The following SDC2 variants were observed in gnomAD, a reference collection of about 807,000 sequenced individuals.
SDC2 encodes syndecan-2.
Under a neutral mutation model 22.2 loss-of-function variants are expected in SDC2, and 13 were observed. The observed-to-expected ratio is 0.59, with a 90% CI of 0.38 to 0.93. The LOEUF (loss-of-function observed/expected upper bound fraction) is 0.93, where lower values mean the gene tolerates loss of function less well. Among genes scored for constraint, SDC2 ranks in the 40% least tolerant of loss-of-function variants. The probability of loss-of-function intolerance (pLI) is 0.00; values close to 1 mark genes in which losing one functional copy is unlikely to be tolerated. For missense variants in SDC2, 235 were observed against 246.8 expected (o/e 0.95, Z 0.32); for synonymous variants, 94 against 92.8 (o/e 1.01, Z -0.07).
intron 2 of SDC2, among the ~76,000 whole-genome samples, chr8:96,596,805 T>C (rs1328898326): frequency 6.6e-6 from 1 of 152,192 alleles, no homozygotes; most frequent in Non-Finnish European, 1.5e-5. Flanking sequence ...CCATGAAGTT[T>C]TGAAAGCTGG....
At chr8:96,581,789 G>T (rs917407525) in intron 1 of SDC2, among the ~76,000 whole-genome samples, 1 of 152,186 alleles carries the variant, frequency 6.6e-6, no homozygotes, top group Non-Finnish European at 1.5e-5. Context: ...CTTTGGCCAC[G>T]TGTCAGTTTG....
In SDC2 at chr8:96,575,171, G is replaced by C. The variant is rs1335442061; in HGVS notation, c.61-18309G>C. 2.0e-5 allele frequency among the ~76,000 whole-genome samples: 3 copies of C among 152,184 alleles called. No individual in the cohort carries two copies. In the East Asian group the frequency reaches 5.8e-4, roughly 29 times the overall value. ...TGGGAACCCCTGTTCTAGACAACCA[G>C]AAATCTAAGCCTTTCTCCTTCATGA... On this transcript the variant is annotated intron_variant, in intron 1 of 4. Coordinates refer to ENST00000302190, the MANE Select transcript of SDC2 (RefSeq NM_002998.4).
intron 1 of SDC2, among the ~76,000 whole-genome samples, chr8:96,582,229 C>G (rs932028155): frequency 1.5e-4 from 22 of 151,434 alleles, no homozygotes; most frequent in Non-Finnish European, 2.6e-4. Context: ...AAATTTTGGC[C>G]AGGAACAGTT....
chr8:96,502,798 A>G (rs1168630594), intron 1 of SDC2, among the ~76,000 whole-genome samples: 1 of 152,214 alleles, frequency 6.6e-6, no homozygotes, highest in Non-Finnish European at 1.5e-5. Context: ...AGTTTTTAGG[A>G]TTATGTGAGA....
At chr8:96,542,061 A>G (rs193170565) in intron 1 of SDC2, among the ~76,000 whole-genome samples, 1 of 152,226 alleles carries the variant, frequency 6.6e-6, no homozygotes, top group African/African-American at 2.4e-5. Context: ...GGTGAACTTG[A>G]ACCTAGCCAT....
chr8:96,514,368 T>C (rs1043229004), intron 1 of SDC2, among the ~76,000 whole-genome samples: 3 of 152,048 alleles, frequency 2.0e-5, no homozygotes, highest in Non-Finnish European at 4.4e-5. Context: ...AAAGGGAAAG[T>C]AGCCACTGTC....
At chr8:96,569,055 G>A (rs991634480) in intron 1 of SDC2, among the ~76,000 whole-genome samples, 1 of 152,128 alleles carries the variant, frequency 6.6e-6, no homozygotes, top group African/African-American at 2.4e-5. Flanking sequence ...TTTTCCCCAG[G>A]CTAGAGTACA....
intron 1 of SDC2, among the ~76,000 whole-genome samples, chr8:96,562,390 C>G (rs1467590775): frequency 6.6e-6 from 1 of 152,140 alleles, no homozygotes; most frequent in Non-Finnish European, 1.5e-5. Context: ...GGGCTGCCTC[C>G]CCTGCTTGCC....
chr8:96,532,735 G>A (rs1369419492), intron 1 of SDC2, among the ~76,000 whole-genome samples: 2 of 151,894 alleles, frequency 1.3e-5, no homozygotes, highest in East Asian at 3.9e-4. Flanking sequence ...CCCCTAGCCC[G>A]CACTTAATGG....
chr8:96,493,997 GC>G lies in SDC2; in HGVS notation c.-273del, dbSNP rs1813003845. The G allele has an allele frequency of 1.9e-6, 1 of 519,150 alleles. No homozygotes were observed. The highest frequency in any genetic ancestry group is 2.0e-5 in the African/African-American group (1 of 49,028). The allele number at this position is 519,150 out of a possible 1,614,324, so 32.2% of individuals were successfully genotyped here. On this transcript the variant is annotated 5_prime_UTR_variant, in exon 1 of 5. Coordinates refer to ENST00000302190, the MANE Select transcript of SDC2 (RefSeq NM_002998.4). ...AGAGCAAGAAGAGCTTCAGAGAGCAGCCTTCCCGGAGCACCAACTCCGTGTC... is the reference window on the plus strand; with the variant it reads ...AGAGCAAGAAGAGCTTCAGAGAGCAGCTTCCCGGAGCACCAACTCCGTGTC...
chr8:96,494,821 G>A (rs1252010489), intron 1 of SDC2, among the ~76,000 whole-genome samples: 1 of 152,206 alleles, frequency 6.6e-6, no homozygotes, highest in African/African-American at 2.4e-5. Context: ...GCAAGTTCTG[G>A]GGAGATGGGG....
chr8:96,502,074 C>T (rs1337446442), intron 1 of SDC2, among the ~76,000 whole-genome samples: 1 of 152,128 alleles, frequency 6.6e-6, no homozygotes, highest in East Asian at 1.9e-4. Flanking sequence ...TAAAGACATA[C>T]CCAAGACTAG....
intron 1 of SDC2, among the ~76,000 whole-genome samples, chr8:96,565,880 T>C (rs1329520635): frequency 6.6e-6 from 1 of 152,162 alleles, no homozygotes; most frequent in Non-Finnish European, 1.5e-5. Context: ...CTGCAGCCAG[T>C]TGACATAGCT....
rs187534076 is a variant in SDC2 at position 96,550,520 on chromosome 8, G to T, written c.61-42960G>T. Among the ~76,000 whole-genome samples, 151 of 152,172 alleles carry T rather than the reference G, an allele frequency of 9.9e-4. 2 individuals carry two copies. Among genetic ancestry groups the T allele is most frequent in the Admixed American group, 2.2e-3 (33 of 15,290 alleles). On this transcript the variant is annotated intron_variant, in intron 1 of 4. Coordinates refer to ENST00000302190, the MANE Select transcript of SDC2 (RefSeq NM_002998.4). ...TCCACTGGCAAGTTTAATGACTGAT[G>T]GTATTATTATTGTTAACTCACACTT...
At position 96,608,379 on chromosome 8, in the gene SDC2, A is replaced by G; in HGVS notation, c.351A>G (p.Ser117=). ...AAGAGAAAGTTCACCTCTCTGACTC[A>G]GAAAGGAAAATGGACCCAGCCGAAG... is the stretch of plus-strand genomic sequence containing the variant. The part of the protein sequence containing the change: ...TDKEKVHLSD[S]ERKMDPAEED... Residue 117 remains serine (S), a synonymous_variant, in exon 4 of 5, where the codon TCA becomes TCG. Coordinates refer to ENST00000302190, the MANE Select transcript of SDC2 (RefSeq NM_002998.4). 1 of 1,614,008 alleles carries G rather than the reference A, an allele frequency of 6.2e-7. No individual in the cohort carries two copies. The highest frequency in any genetic ancestry group is 8.5e-7 in the Non-Finnish European group (1 of 1,179,880).
chr8:96,535,820 C>A (rs2575721), intron 1 of SDC2, among the ~76,000 whole-genome samples: 91,268 of 152,002 alleles, frequency 0.6, 28,359 homozygotes, highest in Non-Finnish European at 0.7. Context: ...CTGAACAGAA[C>A]AAAGAAGCCT....
At chr8:96,586,862 A>G (rs985937761) in intron 1 of SDC2, among the ~76,000 whole-genome samples, 16 of 152,200 alleles carry the variant, frequency 1.1e-4, no homozygotes, top group Non-Finnish European at 1.6e-4. Context: ...TTAGCTTTCT[A>G]TATAATGAAT....
At chr8:96,527,913 GATATATTT>G in intron 1 of SDC2, among the ~76,000 whole-genome samples, 1 of 152,228 alleles carries the variant, frequency 6.6e-6, no homozygotes, top group African/African-American at 2.4e-5. Context: ...CTACATGTGT[GATATATTT>G]ATAATAGAAA....
At chr8:96,535,117 C>T (rs1028649865) in intron 1 of SDC2, among the ~76,000 whole-genome samples, 1 of 152,018 alleles carries the variant, frequency 6.6e-6, no homozygotes, top group Non-Finnish European at 1.5e-5. Flanking sequence ...TCAAGCAATT[C>T]TCCTGCGTCA....
Sources: gnomAD v4.1 joint callset for allele counts (sites outside exome capture counted in the v4.1 genomes callset) on GRCh38, gnomAD v4.1.1 for gene constraint, MANE v1.5 for transcripts, NCBI Gene and HGNC (gene_info 2026-07-23, HGNC 2026-07-21) for gene names.